Variants in NUP98 observed in about 807,000 individuals in gnomAD.
NUP98 encodes the protein nucleoporin 98 and 96 precursor, also known as nuclear pore complex protein Nup98-Nup96.
Under a neutral mutation model 191.9 loss-of-function variants are expected in NUP98, and 26 were observed. The ratio of observed to expected loss-of-function variants is 0.14; its 90% CI spans 0.10 to 0.19. The LOEUF is 0.19. Among genes scored for constraint, NUP98 ranks in the 10% least tolerant of loss-of-function variants. The probability of loss-of-function intolerance (pLI) is 1.00; values close to 1 mark genes in which losing one functional copy is unlikely to be tolerated. For synonymous variants in NUP98, 808 were observed against 778.4 expected (o/e 1.04, Z -0.63); for missense variants, 1,941 against 2,178.8 (o/e 0.89, Z 2.17).
chr11:3,735,855 G>A (rs1259597238), intron 12 of NUP98, among the ~76,000 whole-genome samples: 9 of 149,106 alleles, frequency 6.0e-5, no homozygotes, highest in Admixed American at 4.7e-4. Flanking sequence ...GTGTGCGTGC[G>A]TGTATGTAAT....
chr11:3,765,238 A>G (rs1223071951), intron 8 of NUP98, among the ~76,000 whole-genome samples: 1 of 152,172 alleles, frequency 6.6e-6, no homozygotes, highest in Non-Finnish European at 1.5e-5. Flanking sequence ...CGCTCAGGCT[A>G]GAGTGCAGTG....
intron 11 of NUP98, among the ~76,000 whole-genome samples, chr11:3,747,895 G>C (rs1162008210): frequency 1.3e-5 from 2 of 152,244 alleles, no homozygotes; most frequent in African/African-American, 2.4e-5. Flanking sequence ...CCAAGGGCCT[G>C]CTTCAGCAGA....
chr11:3,702,318 C>A, intron 23 of NUP98, 145 bp downstream of exon 23: 1 of 85,530 alleles, frequency 1.2e-5, no homozygotes, highest in Non-Finnish European at 1.9e-5. Flanking sequence ...CACACACTCT[C>A]TCTCTCTCTC....
chr11:3,723,177 G>C lies in NUP98; in HGVS notation c.2126C>G (p.Ser709Cys), dbSNP rs2079471169. Residue 709 changes from serine to cysteine, a missense_variant, in exon 16 of 33, where the codon TCT becomes TGT. Around this residue, in one of 6 missense-constraint regions of NUP98, gnomAD observed 453 missense variants for 438.2 expected, o/e 1.03. Transcript: ENST00000324932. The part of the protein sequence containing the change: ...QDDREEIENN[S>C]YHMHPAGIIL... Reference sequence around the variant, plus strand: ...CTGACCTGCTGGGTGCATATGGTAAGAATTATTTTCTATTTCTTCTCGGTC... The same window carrying C: ...CTGACCTGCTGGGTGCATATGGTAACAATTATTTTCTATTTCTTCTCGGTC... 1.2e-6 allele frequency: 2 copies of C among 1,613,964 alleles called. No homozygotes were observed. The highest frequency in any genetic ancestry group is 1.7e-5 in the Admixed American group (1 of 59,988).
intron 1 of NUP98, among the ~76,000 whole-genome samples, chr11:3,789,703 T>G (rs930084181): frequency 5.3e-5 from 8 of 152,000 alleles, no homozygotes; most frequent in Admixed American, 1.3e-4. Context: ...ACTCCTGGAC[T>G]CAAGCCATCT....
chr11:3,773,734 T>C lies in NUP98; in HGVS notation c.501A>G (p.Pro167=), dbSNP rs1414086671. The change falls in exon 6 of 33, where the codon CCA becomes CCG. Residue 167 remains proline, a synonymous_variant. Coordinates refer to ENST00000324932, the MANE Select transcript of NUP98 (RefSeq NM_016320.5). The stretch of plus-strand genomic sequence containing the variant: ...CTTTGACCATAGTATCTGTACCAGT[T>C]GGAGGCTGCAAAGTTAAATAAAGGC... ...PTGTTIKFNP[P]TGTDTMVKAG... 7 of 1,609,914 alleles carry C rather than the reference T, an allele frequency of 4.3e-6. No individual in the cohort carries two copies. Among genetic ancestry groups the C allele is most frequent in the Middle Eastern group, 1.7e-4 (1 of 6,040 alleles).
At chr11:3,677,156 A>G (rs1323246061) in intron 31 of NUP98, among the ~76,000 whole-genome samples, 1 of 152,238 alleles carries the variant, frequency 6.6e-6, no homozygotes, top group Non-Finnish European at 1.5e-5. Context: ...AGCCATGTAG[A>G]TAATTTAAAC....
chr11:3,716,936 C>T (rs564212385), intron 18 of NUP98, among the ~76,000 whole-genome samples: 4 of 152,088 alleles, frequency 2.6e-5, no homozygotes, highest in Admixed American at 6.6e-5. Flanking sequence ...CAAATCATGC[C>T]GCTGGGATTT....
At chr11:3,774,860 A>G (rs1232838696) in intron 5 of NUP98, among the ~76,000 whole-genome samples, 1 of 152,164 alleles carries the variant, frequency 6.6e-6, no homozygotes, top group Non-Finnish European at 1.5e-5. Context: ...CTTCACTATC[A>G]TTTTATGTTT....
intron 1 of NUP98, among the ~76,000 whole-genome samples, chr11:3,796,816 T>C (rs1057481446): frequency 2.0e-5 from 3 of 152,238 alleles, no homozygotes; most frequent in Non-Finnish European, 2.9e-5. Context: ...CTTATGGCTA[T>C]AGTAATCCAG....
intron 11 of NUP98, among the ~76,000 whole-genome samples, chr11:3,748,372 T>C (rs2080590831): frequency 6.6e-6 from 1 of 152,144 alleles, no homozygotes; most frequent in Non-Finnish European, 1.5e-5. Context: ...CAGACTAGCC[T>C]GGCCAAAATG....
intron 21 of NUP98, among the ~76,000 whole-genome samples, chr11:3,705,680 G>A (rs2134132874): frequency 6.6e-6 from 1 of 152,240 alleles, no homozygotes; most frequent in East Asian, 1.9e-4. Context: ...TGGGATAAAG[G>A]GAAGTAAAGA....
At chr11:3,702,418 C>G (rs534734990) in intron 23 of NUP98, 45 bp downstream of exon 23, 3 of 1,502,352 alleles carry the variant, frequency 2.0e-6, no homozygotes, top group South Asian at 1.2e-5. Flanking sequence ...TTTTTTTCAC[C>G]TATCATGTTG....
Position 3,693,340 on chromosome 11 carries a change from C to T in NUP98, c.4203G>A (p.Val1401=). The T allele has an allele frequency of 6.2e-7, 1 of 1,614,116 alleles. No homozygotes were observed. Among genetic ancestry groups the T allele is most frequent in the South Asian group, 1.1e-5 (1 of 91,080 alleles). The change falls in exon 27 of 33, where the codon GTG becomes GTA. Residue 1401 remains valine (V), a synonymous_variant. Coordinates refer to ENST00000324932, the MANE Select transcript of NUP98 (RefSeq NM_016320.5). ...WQLSEKKQIN[V]CSQLDWKRSL... ...AGCGTTTCCAATCCAACTGGGAGCA[C>T]ACGTTTATTTGCTTCTTTTCTGAGA... is the stretch of plus-strand genomic sequence containing the variant.
chr11:3,777,069 C>T (rs1489140536), intron 4 of NUP98, among the ~76,000 whole-genome samples: 2 of 152,038 alleles, frequency 1.3e-5, no homozygotes, highest in African/African-American at 2.4e-5. Flanking sequence ...ATAACATATA[C>T]CTACACATAA....
At chr11:3,779,115 A>AGTTT in intron 3 of NUP98, 41 bp downstream of exon 3, 3 of 1,612,194 alleles carry the variant, frequency 1.9e-6, no homozygotes, top group Non-Finnish European at 2.5e-6. Flanking sequence ...TTCCTATACT[A>AGTTT]GCTACAAACA....
intron 8 of NUP98, among the ~76,000 whole-genome samples, chr11:3,765,682 T>TTA (rs2081313157): frequency 6.6e-6 from 1 of 151,420 alleles, no homozygotes; most frequent in African/African-American, 2.4e-5. Flanking sequence ...ACACCTGTAA[T>TTA]CCCAGTTACT....
At chr11:3,676,800 A>G in intron 31 of NUP98, 180 bp from the exon 32 acceptor site, 1 of 728,166 alleles carries the variant, frequency 1.4e-6, no homozygotes, top group South Asian at 1.4e-5. Flanking sequence ...TTATGCAGTA[A>G]TAGCCAAGAG....
intron 10 of NUP98, among the ~76,000 whole-genome samples, chr11:3,756,062 T>C (rs778009871): frequency 6.6e-6 from 1 of 152,242 alleles, no homozygotes; most frequent in Non-Finnish European, 1.5e-5. Flanking sequence ...TTAATTCTTC[T>C]AATAGCTATG....
Sources: allele counts gnomAD v4.1 joint callset (sites outside exome capture counted in the v4.1 genomes callset), GRCh38; gene constraint gnomAD v4.1.1; regional missense constraint gnomAD v4.1.1; transcripts MANE v1.5; gene names NCBI Gene and HGNC (gene_info 2026-07-23, HGNC 2026-07-21).